RBPMS: variants seen among roughly 807,000 people sequenced by gnomAD.
The protein encoded by RBPMS is RNA-binding protein with multiple splicing.
In RBPMS, 7 loss-of-function variants were observed where a neutral mutation model predicts 26.8. That is an observed-to-expected ratio of 0.26 (90% CI 0.15 to 0.49). The LOEUF (loss-of-function observed/expected upper bound fraction) is 0.49. Ranked by LOEUF, RBPMS falls within the 20% of genes least tolerant of loss-of-function variation. The probability of loss-of-function intolerance (pLI) is 0.98; values close to 1 mark genes in which losing one functional copy is unlikely to be tolerated. For missense variants in RBPMS, 186 were observed against 250.0 expected, an observed-to-expected ratio of 0.74 and a Z score of 1.73; for synonymous variants, 96 against 93.3, an observed-to-expected ratio of 1.03 and a Z score of -0.17.
intron 4 of RBPMS, among the ~76,000 whole-genome samples, chr8:30,487,694 A>G (rs1031500810): frequency 2.6e-5 from 4 of 152,090 alleles, no homozygotes; most frequent in African/African-American, 9.7e-5. Flanking sequence ...TATATGTAAT[A>G]CATAATAAAT....
intron 1 of RBPMS, among the ~76,000 whole-genome samples, chr8:30,427,152 G>A (rs907048521): frequency 2.0e-5 from 3 of 152,088 alleles, no homozygotes; most frequent in African/African-American, 4.8e-5. Flanking sequence ...TAAGCTAATC[G>A]GTGAATTCAG....
intron 4 of RBPMS, among the ~76,000 whole-genome samples, chr8:30,491,204 A>C (rs1191703818): frequency 6.6e-6 from 1 of 152,188 alleles, no homozygotes; most frequent in Non-Finnish European, 1.5e-5. Flanking sequence ...TAAATGGCTC[A>C]TTTTTATCCT....
intron 5 of RBPMS, among the ~76,000 whole-genome samples, chr8:30,544,165 C>T (rs1178965998): frequency 6.6e-6 from 1 of 152,216 alleles, no homozygotes; most frequent in Non-Finnish European, 1.5e-5. Context: ...CAGAGGGTCG[C>T]ATTTCCTGTT....
At chr8:30,527,429 A>G (rs901609049) in intron 5 of RBPMS, among the ~76,000 whole-genome samples, 13 of 152,236 alleles carry the variant, frequency 8.5e-5, no homozygotes, top group Admixed American at 5.9e-4. Flanking sequence ...TAAATTTTGC[A>G]TTCTCATCTC....
chr8:30,431,077 G>C (rs1301440770), intron 1 of RBPMS, among the ~76,000 whole-genome samples: 2 of 152,174 alleles, frequency 1.3e-5, no homozygotes, highest in Non-Finnish European at 2.9e-5. Context: ...AATTGAATGG[G>C]AGAGGAGGAA....
At position 30,513,896 on chromosome 8, in the gene RBPMS, CT is replaced by C. The variant is rs796326446; in HGVS notation, c.397+9464del. Among the ~76,000 whole-genome samples, 3 of 152,230 alleles carry C rather than the reference CT, an allele frequency of 2.0e-5. No homozygotes were observed. In the South Asian group the frequency reaches 6.2e-4, roughly 32 times the overall value. On this transcript the variant is annotated intron_variant, in intron 5 of 8. Transcript: ENST00000397323. Reference sequence around the variant, plus strand: ...ATCCTCAAATAAAGAGCTATCTTTTCTTTTACAGTATGGCAGTTCTCAAAAG... The same window carrying C: ...ATCCTCAAATAAAGAGCTATCTTTTCTTTACAGTATGGCAGTTCTCAAAAG...
chr8:30,387,202 G>A (rs1034012372), intron 1 of RBPMS: 1 of 152,166 alleles, frequency 6.6e-6, no homozygotes, highest in African/African-American at 2.4e-5. Flanking sequence ...CACGTAGGAA[G>A]ATTTCAGAAC....
In RBPMS at chr8:30,504,446, T is replaced by C; in HGVS notation, c.397+10T>C. ...ATTGCCAGAGAGCCATGTAAGTCGA[T>C]CTACTTTTCATTCAAAAGTAATAAT... On this transcript the variant is annotated intron_variant, in intron 5 of 8. Transcript: ENST00000397323. The C allele has an allele frequency of 6.2e-7, 1 of 1,612,914 alleles. No homozygotes were observed. Among genetic ancestry groups the C allele is most frequent in the Non-Finnish European group, 8.5e-7 (1 of 1,178,964 alleles).
Position 30,428,385 on chromosome 8 carries a change from G to A in RBPMS, c.66+43227G>A, listed in dbSNP as rs143738723. On this transcript the variant is annotated intron_variant, in intron 1 of 8. Coordinates refer to ENST00000397323, the MANE Select transcript of RBPMS (RefSeq NM_001008710.3). ...GTGGGAGGATCGCTTGAGCCAAGGA[G>A]TTGGAGGCTGTGGTAAGTTGTGATC... Among the ~76,000 whole-genome samples the A allele has an allele frequency of 8.2e-3, 1,245 of 152,110 alleles. 13 individuals carry two copies. Among genetic ancestry groups the A allele is most frequent in the African/African-American group, 0.028 (1,181 of 41,474 alleles).
chr8:30,563,806 C>T (rs1198113886), intron 7 of RBPMS, among the ~76,000 whole-genome samples: 2 of 152,110 alleles, frequency 1.3e-5, no homozygotes, highest in African/African-American at 2.4e-5. Flanking sequence ...CAGACAGCTG[C>T]GGTGGCTCCT....
At position 30,511,480 on chromosome 8, in the gene RBPMS, AAAAAAAATATATATATAT is replaced by A. The variant is rs1270755858; in HGVS notation, c.397+7046_397+7063del. Among the ~76,000 whole-genome samples, 86 of 16,524 alleles carry A rather than the reference AAAAAAAATATATATATAT, an allele frequency of 5.2e-3. 3 individuals are homozygous for A. Among genetic ancestry groups the A allele is most frequent in the African/African-American group, 0.023 (84 of 3,668 alleles). The allele number at this position is 16,524 out of a possible 152,430, so 10.8% of individuals were successfully genotyped here. A position where few individuals can be genotyped will look rare whatever the true frequency, so the allele number is the denominator to read the frequency against. On this transcript the variant is annotated intron_variant, in intron 5 of 8. Coordinates refer to ENST00000397323, the MANE Select transcript of RBPMS (RefSeq NM_001008710.3). ...CTTTAAAACAAAAAAAGAAAAAAAAAAAAAAAATATATATATATATATATATATATATATATATATATA... is the reference window on the plus strand; with the variant it reads ...CTTTAAAACAAAAAAAGAAAAAAAAAATATATATATATATATATATATATA...
At chr8:30,386,866 T>C (rs1267280698) in intron 1 of RBPMS, among the ~76,000 whole-genome samples, 1 of 152,154 alleles carries the variant, frequency 6.6e-6, no homozygotes, top group Non-Finnish European at 1.5e-5. Context: ...CTTTTTTTTT[T>C]CCTTTTGGTA....
chr8:30,460,302 A>G (rs928475444), intron 1 of RBPMS, among the ~76,000 whole-genome samples: 10 of 152,254 alleles, frequency 6.6e-5, no homozygotes, highest in African/African-American at 2.2e-4. Context: ...AGTGTTAAGT[A>G]AACTAGTTTG....
Position 30,472,577 on chromosome 8 carries a change from A to G in RBPMS, c.67-2202A>G, listed in dbSNP as rs531615858. Among the ~76,000 whole-genome samples, 11 of 151,654 alleles carry G rather than the reference A, an allele frequency of 7.3e-5. No individual in the cohort carries two copies. In the East Asian group the frequency reaches 1.2e-3, roughly 16 times the overall value. ...AAGATGTGTAGTTTATTATATATCAATCATAACCTCAATAAAGCTGTTTAT... is the reference window on the plus strand; with the variant it reads ...AAGATGTGTAGTTTATTATATATCAGTCATAACCTCAATAAAGCTGTTTAT... On this transcript the variant is annotated intron_variant, in intron 1 of 8. Transcript: ENST00000397323.
intron 4 of RBPMS, among the ~76,000 whole-genome samples, chr8:30,495,555 G>A (rs1355916113): frequency 1.3e-5 from 2 of 152,254 alleles, no homozygotes; most frequent in Middle Eastern, 3.4e-3. Context: ...AGGGAAAAAA[G>A]GAGTATTAAA....
intron 6 of RBPMS, chr8:30,556,511 C>A (rs971450162): frequency 1.3e-5 from 13 of 986,112 alleles, no homozygotes; most frequent in African/African-American, 5.2e-5. Flanking sequence ...CAGCCCTCCC[C>A]CTCCTGTGTC....
intron 6 of RBPMS, chr8:30,556,390 G>A: frequency 1.0e-6 from 1 of 985,844 alleles, no homozygotes; most frequent in African/African-American, 1.7e-5. Context: ...GTGAGAACGT[G>A]AGGGCTGTGT....
intron 1 of RBPMS, chr8:30,446,797 G>GTGTC (rs1330103937): frequency 1.0e-4 from 5 of 48,024 alleles, no homozygotes; most frequent in African/African-American, 3.8e-4. Context: ...CACATGGCTT[G>GTGTC]TGTGTGTGTG....
At chr8:30,538,248 T>C (rs1225803860) in intron 5 of RBPMS, among the ~76,000 whole-genome samples, 2 of 152,108 alleles carry the variant, frequency 1.3e-5, no homozygotes, top group Non-Finnish European at 2.9e-5. Context: ...TCCTTTGAGC[T>C]ATTCACCCAA....
Sources: allele counts gnomAD v4.1 joint callset (sites outside exome capture counted in the v4.1 genomes callset), GRCh38; gene constraint gnomAD v4.1.1; transcripts MANE v1.5; gene names NCBI Gene and HGNC (gene_info 2026-07-23, HGNC 2026-07-21).